Variants in SLC9A9 observed in about 807,000 individuals in gnomAD.
The protein encoded by SLC9A9 is solute carrier family 9 member A9.
In SLC9A9, 62 loss-of-function variants were observed where a neutral mutation model predicts 77.8. That is an observed-to-expected ratio of 0.80 (90% CI 0.65 to 0.98). The LOEUF (loss-of-function observed/expected upper bound fraction) is 0.98, where lower values mean the gene tolerates loss of function less well. Ranked by LOEUF, SLC9A9 falls within the 50% of genes least tolerant of loss-of-function variation. SLC9A9 has a pLI of 0.00. For missense variants in SLC9A9, 775 were observed against 774.9 expected, an observed-to-expected ratio of 1.00 and a Z score of 0.00; for synonymous variants, 320 against 283.5, an observed-to-expected ratio of 1.13 and a Z score of -1.29.
chr3:143,317,005 T>A (rs2031236794), intron 14 of SLC9A9, among the ~76,000 whole-genome samples: 1 of 151,960 alleles, frequency 6.6e-6, no homozygotes, highest in Admixed American at 6.6e-5. Flanking sequence ...ATTAAATAAG[T>A]TAATACTCCC....
At chr3:143,302,606 G>C (rs1329459957) in intron 14 of SLC9A9, among the ~76,000 whole-genome samples, 1 of 151,930 alleles carries the variant, frequency 6.6e-6, no homozygotes, top group Non-Finnish European at 1.5e-5. Flanking sequence ...AAGGAAATAA[G>C]AGCAGTGATG....
intron 2 of SLC9A9, among the ~76,000 whole-genome samples, chr3:143,802,086 C>T (rs763147495): frequency 1.6e-4 from 24 of 152,196 alleles, no homozygotes; most frequent in Non-Finnish European, 2.8e-4. Flanking sequence ...TTCTGTCCCT[C>T]ACGGCCAGTT....
At chr3:143,709,374 C>T (rs1934080467) in intron 4 of SLC9A9, among the ~76,000 whole-genome samples, 2 of 152,082 alleles carry the variant, frequency 1.3e-5, no homozygotes, top group African/African-American at 4.8e-5. Flanking sequence ...CCTGGGGACT[C>T]TAAAGTCCAG....
chr3:143,290,742 T>G (rs1006267902), intron 14 of SLC9A9, among the ~76,000 whole-genome samples: 1 of 152,228 alleles, frequency 6.6e-6, no homozygotes, highest in African/African-American at 2.4e-5. Flanking sequence ...AAATAAGTTA[T>G]GAAAATTAAG....
At chr3:143,480,371 T>C (rs1411995603) in intron 11 of SLC9A9, among the ~76,000 whole-genome samples, 1 of 152,226 alleles carries the variant, frequency 6.6e-6, no homozygotes, top group Admixed American at 6.5e-5. Flanking sequence ...CATAATCACA[T>C]AACCTTTTCT....
chr3:143,354,203 C>G (rs1356243917), intron 14 of SLC9A9, among the ~76,000 whole-genome samples: 1 of 152,210 alleles, frequency 6.6e-6, no homozygotes, highest in East Asian at 1.9e-4. Flanking sequence ...TTCCTCCCTT[C>G]TCATTATTTA....
chr3:143,271,287 G>C (rs1937892211), intron 14 of SLC9A9, among the ~76,000 whole-genome samples: 1 of 152,168 alleles, frequency 6.6e-6, no homozygotes, highest in Non-Finnish European at 1.5e-5. Context: ...AAACTGAACA[G>C]TATCACTTGG....
intron 5 of SLC9A9, among the ~76,000 whole-genome samples, chr3:143,671,511 T>G (rs2039153049): frequency 6.6e-6 from 1 of 152,216 alleles, no homozygotes; most frequent in Non-Finnish European, 1.5e-5. Flanking sequence ...TGAAAATAAC[T>G]GAAATACTGT....
At chr3:143,388,173 T>C (rs367570836) in intron 12 of SLC9A9, among the ~76,000 whole-genome samples, 2 of 152,312 alleles carry the variant, frequency 1.3e-5, no homozygotes, top group South Asian at 4.1e-4. Context: ...TGGGGACTAT[T>C]GTGTAGCCAT....
chr3:143,679,054 A>AG (rs1004611147), intron 5 of SLC9A9, among the ~76,000 whole-genome samples: 2 of 123,590 alleles, frequency 1.6e-5, no homozygotes, highest in African/African-American at 6.0e-5. Flanking sequence ...GAAAGAGGTG[A>AG]GGGGGGTGGG....
intron 4 of SLC9A9, among the ~76,000 whole-genome samples, chr3:143,699,267 G>A (rs776212622): frequency 3.7e-4 from 56 of 152,022 alleles, no homozygotes; most frequent in African/African-American, 1.3e-3. Flanking sequence ...AGAGCAAGAC[G>A]GTAGAACAGA....
Position 143,265,934 on chromosome 3 carries a change from GCAA to G in SLC9A9, c.*765_*767del, listed in dbSNP as rs2108392573. ...CAGCCAAGAAGTGACTCACATGCAG[GCAA>G]GGACGGGAAGGCTTGTTCTTCAGGC... On this transcript the variant is annotated 3_prime_UTR_variant, in exon 16 of 16. Coordinates refer to ENST00000316549, the MANE Select transcript of SLC9A9 (RefSeq NM_173653.4). 1 of 642,102 alleles carries G rather than the reference GCAA, an allele frequency of 1.6e-6. No homozygotes were observed. The highest frequency in any genetic ancestry group is 2.8e-6 in the Non-Finnish European group (1 of 355,064). 39.8% of individuals were successfully genotyped at this position (642,102 alleles called of 1,614,324 possible). A position where few individuals can be genotyped will look rare whatever the true frequency, so the allele number is the denominator to read the frequency against.
In SLC9A9 at chr3:143,652,268, T is replaced by C. The variant is rs1287864434; in HGVS notation, c.742A>G (p.Ile248Val). ...GESVLNDAVA[I>V]VLTYSISIYS... The stretch of plus-strand genomic sequence containing the variant: ...TCTGGTACTTACTATGTAAGGACTA[T>C]GGCCACTGCATCATTCAACACACTC... Residue 248 changes from isoleucine (I) to valine (V), a missense_variant, in exon 6 of 16, where the codon ATA becomes GTA. Transcript: ENST00000316549. 1.9e-6 allele frequency: 3 copies of C among 1,612,570 alleles called. No homozygotes were observed. Among genetic ancestry groups the C allele is most frequent in the East Asian group, 2.2e-5 (1 of 44,824 alleles).
chr3:143,447,121 G>A lies in SLC9A9; in HGVS notation c.1469+19916C>T, dbSNP rs565539440. Among the ~76,000 whole-genome samples, 4 of 152,270 alleles carry A rather than the reference G, an allele frequency of 2.6e-5. No homozygotes were observed. In the South Asian group the frequency reaches 8.3e-4, roughly 32 times the overall value. On this transcript the variant is annotated intron_variant, in intron 12 of 15. Coordinates refer to ENST00000316549, the MANE Select transcript of SLC9A9 (RefSeq NM_173653.4). ...GCAAATATACTTGGAGGAAGCCGAAGTTATAAAGTTGTTATTTATTTTTAC... is the reference window on the plus strand; with the variant it reads ...GCAAATATACTTGGAGGAAGCCGAAATTATAAAGTTGTTATTTATTTTTAC...
At chr3:143,458,960 C>A (rs2035141901) in intron 12 of SLC9A9, among the ~76,000 whole-genome samples, 1 of 151,996 alleles carries the variant, frequency 6.6e-6, no homozygotes, top group Non-Finnish European at 1.5e-5. Context: ...TACTTTTGTT[C>A]AGATTAGATA....
At chr3:143,452,152 A>T (rs563079127) in intron 12 of SLC9A9, among the ~76,000 whole-genome samples, 1 of 152,230 alleles carries the variant, frequency 6.6e-6, no homozygotes, top group South Asian at 2.1e-4. Flanking sequence ...ACTGTCCTTA[A>T]GTATCCTCCC....
chr3:143,534,996 A>T (rs930665031), intron 9 of SLC9A9, among the ~76,000 whole-genome samples: 1 of 152,200 alleles, frequency 6.6e-6, no homozygotes, highest in Non-Finnish European at 1.5e-5. Flanking sequence ...TCCAAGGTTG[A>T]GGCCTTAAAA....
chr3:143,312,664 T>TC (rs950281419), intron 14 of SLC9A9, among the ~76,000 whole-genome samples: 11 of 152,228 alleles, frequency 7.2e-5, no homozygotes, highest in African/African-American at 2.7e-4. Flanking sequence ...TAGGGTAGCA[T>TC]CCCCAGCCTT....
chr3:143,279,524 A>G (rs1938154032), intron 14 of SLC9A9, among the ~76,000 whole-genome samples: 1 of 152,152 alleles, frequency 6.6e-6, no homozygotes, highest in Non-Finnish European at 1.5e-5. Flanking sequence ...TCAACCCGTT[A>G]TCTACATTAG....
Sources: allele counts gnomAD v4.1 joint callset (sites outside exome capture counted in the v4.1 genomes callset), GRCh38; gene constraint gnomAD v4.1.1; transcripts MANE v1.5; gene names NCBI Gene and HGNC (gene_info 2026-07-23, HGNC 2026-07-21).